The following PAFAH1B1 variants were observed in gnomAD, a reference collection of about 807,000 sequenced individuals.
PAFAH1B1 encodes the protein platelet activating factor acetylhydrolase 1b regulatory subunit 1.
A neutral mutation model predicts 57.5 loss-of-function variants in PAFAH1B1; 2 were observed. The ratio of observed to expected loss-of-function variants is 0.03; its 90% CI spans 0.01 to 0.11. The LOEUF (loss-of-function observed/expected upper bound fraction) is 0.11, where lower values mean the gene tolerates loss of function less well. PAFAH1B1 is among the 10% of genes least tolerant of loss of function. The pLI, the probability that PAFAH1B1 is intolerant of heterozygous loss-of-function variation, is 1.00. For synonymous variants in PAFAH1B1, 152 were observed against 169.6 expected (o/e 0.90, Z 0.81); for missense variants, 257 against 512.0 (o/e 0.50, Z 4.81).
At chr17:2,639,637 C>A (rs1174192299) in intron 2 of PAFAH1B1, 1 of 151,804 alleles carries the variant, frequency 6.6e-6, no homozygotes, top group East Asian at 1.9e-4. Flanking sequence ...TGCTCTGTCG[C>A]CCAGGCTGGA....
At chr17:2,635,758 G>A (rs2068614921) in intron 1 of PAFAH1B1, among the ~76,000 whole-genome samples, 1 of 151,816 alleles carries the variant, frequency 6.6e-6, no homozygotes, top group African/African-American at 2.4e-5. Context: ...AATATAGTGG[G>A]GGTTTTTTTC....
chr17:2,642,215 G>C (rs576837090), intron 2 of PAFAH1B1: 1 of 152,194 alleles, frequency 6.6e-6, no homozygotes, highest in African/African-American at 2.4e-5. Flanking sequence ...TCAATAGATT[G>C]ATTCACTTCC....
Position 2,680,245 on chromosome 17 carries a change from C to G in PAFAH1B1, c.1084C>G (p.Leu362Val). 6.2e-7 allele frequency: 1 copy of G among 1,613,468 alleles called. No homozygotes were observed. Residue 362 changes from leucine to valine, a missense_variant, in exon 10 of 11, where the codon CTA becomes GTA. Transcript: ENST00000397195. ...TTTGAGTTGTGCTGATGACAAGACC[C>G]TACGCGTATGGGATTACAAGAACAA... ...FILSCADDKT[L>V]RVWDYKNKRC... is the part of the protein sequence containing the mutation.
chr17:2,637,404 G>A (rs558482213), intron 1 of PAFAH1B1, among the ~76,000 whole-genome samples: 1 of 118,284 alleles, frequency 8.5e-6, no homozygotes, highest in African/African-American at 3.6e-5. Flanking sequence ...AATGTAGGGA[G>A]ACCTGTCTCT....
chr17:2,655,784 G>GAA (rs771848909), intron 2 of PAFAH1B1, among the ~76,000 whole-genome samples: 1 of 141,074 alleles, frequency 7.1e-6, no homozygotes, highest in East Asian at 2.0e-4. Flanking sequence ...CGACCGATGT[G>GAA]AAAAAAAAAA....
intron 1 of PAFAH1B1, among the ~76,000 whole-genome samples, chr17:2,619,534 C>CTGGTTTTTTT (rs1555521962): frequency 2.0e-5 from 3 of 149,190 alleles, no homozygotes; most frequent in East Asian, 1.9e-4. Flanking sequence ...TGGCCCTTAC[C>CTGGTTTTTTT]TGTTTTTTTT....
chr17:2,653,375 A>T (rs1290299719), intron 2 of PAFAH1B1, among the ~76,000 whole-genome samples: 4 of 152,124 alleles, frequency 2.6e-5, no homozygotes, highest in Non-Finnish European at 5.9e-5. Flanking sequence ...CATATGTAAC[A>T]AACCTGCACG....
At chr17:2,642,931 GT>G (rs1248024251) in intron 2 of PAFAH1B1, among the ~76,000 whole-genome samples, 1 of 151,838 alleles carries the variant, frequency 6.6e-6, no homozygotes, top group Non-Finnish European at 1.5e-5. Context: ...ACCCAGAAGT[GT>G]TACTCTCTTC....
At chr17:2,680,089 T>C in intron 9 of PAFAH1B1, 75 bp from the exon 10 acceptor site, 1 of 1,307,140 alleles carries the variant, frequency 7.7e-7, no homozygotes, top group South Asian at 1.2e-5. Context: ...TATGTATAGT[T>C]TTATCGTATT....
intron 2 of PAFAH1B1, among the ~76,000 whole-genome samples, chr17:2,652,252 TA>T (rs1478776801): frequency 7.3e-5 from 11 of 150,468 alleles, no homozygotes; most frequent in African/African-American, 2.7e-4. Context: ...CTACTAAAAA[TA>T]CAAAAAAAAA....
chr17:2,659,106 C>T (rs1048502401), intron 2 of PAFAH1B1, among the ~76,000 whole-genome samples: 9 of 152,136 alleles, frequency 5.9e-5, no homozygotes, highest in Non-Finnish European at 1.3e-4. Flanking sequence ...CAAAAATTAG[C>T]TGGGCCTAAT....
chr17:2,627,731 CATTT>C (rs1161874831), intron 1 of PAFAH1B1, among the ~76,000 whole-genome samples: 1 of 152,076 alleles, frequency 6.6e-6, no homozygotes, highest in African/African-American at 2.4e-5. Context: ...GATGTGTTTC[CATTT>C]GTTTGTGTCA....
rs376277328 is a variant in PAFAH1B1, at chr17:2,684,601, T to C, written c.*2799T>C. On this transcript the variant is annotated 3_prime_UTR_variant, in exon 11 of 11. Transcript: ENST00000397195. ...TGCCCAAGAAATCCTAGCTGCGCTCTTGAGAGTGCATGCCATGGAGACTGG... is the reference window on the plus strand; with the variant it reads ...TGCCCAAGAAATCCTAGCTGCGCTCCTGAGAGTGCATGCCATGGAGACTGG... 6.5e-6 allele frequency: 1 copy of C among 152,700 alleles called. No homozygotes were observed. Among genetic ancestry groups the C allele is most frequent in the Non-Finnish European group, 1.5e-5 (1 of 68,062 alleles). 9.5% of individuals were successfully genotyped at this position (152,700 alleles called of 1,614,324 possible). A position where few individuals can be genotyped will look rare whatever the true frequency, so the allele number is the denominator to read the frequency against.
At chr17:2,593,508 C>A (rs1240058363), upstream of PAFAH1B1, among the ~76,000 whole-genome samples, 4 of 151,256 alleles carry the variant, frequency 2.6e-5, no homozygotes, top group African/African-American at 4.8e-5. Flanking sequence ...CAGCGCGGCC[C>A]CGGCCCGGCC....
chr17:2,643,363 C>T lies in PAFAH1B1; in HGVS notation c.32+5043C>T, dbSNP rs575994568. Reference sequence around the variant, plus strand: ...CGAACTCCTGGGCTCAAGCTATTCTCCTGCCTCTGCCCCCCTAATAGCTGG... The same window carrying T: ...CGAACTCCTGGGCTCAAGCTATTCTTCTGCCTCTGCCCCCCTAATAGCTGG... On this transcript the variant is annotated intron_variant, in intron 2 of 10. Transcript: ENST00000397195. Among the ~76,000 whole-genome samples the T allele has an allele frequency of 2.6e-5, 4 of 152,308 alleles. No homozygotes were observed. In the East Asian group the frequency reaches 5.8e-4, roughly 22 times the overall value.
intron 1 of PAFAH1B1, among the ~76,000 whole-genome samples, chr17:2,611,346 T>C (rs1035974071): frequency 9.2e-5 from 14 of 151,852 alleles, no homozygotes; most frequent in African/African-American, 3.4e-4. Context: ...TGTGCGCCTG[T>C]AGTCCCAGCT....
intron 9 of PAFAH1B1, 126 bp from the exon 10 acceptor site, chr17:2,680,038 C>A: frequency 1.1e-6 from 1 of 878,000 alleles, no homozygotes; most frequent in Non-Finnish European, 1.9e-6. Flanking sequence ...ATCTAGAATC[C>A]CCTAGACTTT....
intron 2 of PAFAH1B1, among the ~76,000 whole-genome samples, chr17:2,647,897 G>A (rs1263674997): frequency 2.0e-5 from 3 of 151,904 alleles, no homozygotes; most frequent in African/African-American, 7.3e-5. Context: ...CCAGCTACTC[G>A]GGAGGCTGAG....
chr17:2,615,724 C>A (rs1319400009), intron 1 of PAFAH1B1, among the ~76,000 whole-genome samples: 1 of 152,210 alleles, frequency 6.6e-6, no homozygotes, highest in African/African-American at 2.4e-5. Context: ...CAGGCGTGAG[C>A]CACCGCGCCC....
Sources: allele counts gnomAD v4.1 joint callset (sites outside exome capture counted in the v4.1 genomes callset), GRCh38; gene constraint gnomAD v4.1.1; transcripts MANE v1.5; gene names NCBI Gene and HGNC (gene_info 2026-07-23, HGNC 2026-07-21).